Variants in ABCA6 observed in about 807,000 individuals in gnomAD.
ABCA6 encodes ATP-binding cassette sub-family A member 6.
Under a neutral mutation model 191.2 loss-of-function variants are expected in ABCA6, and 164 were observed. That is an observed-to-expected ratio of 0.86 (90% CI 0.76 to 0.98). The LOEUF is 0.98. Among genes scored for constraint, ABCA6 ranks in the 50% least tolerant of loss-of-function variants. The pLI, the probability that ABCA6 is intolerant of heterozygous loss-of-function variation, is 0.00. For missense variants in ABCA6, 1,958 were observed against 1,894.1 expected, an observed-to-expected ratio of 1.03 and a Z score of -0.63; for synonymous variants, 636 against 647.7, an observed-to-expected ratio of 0.98 and a Z score of 0.27.
chr17:69,100,308 T>A (rs2073149451), intron 22 of ABCA6, among the ~76,000 whole-genome samples: 1 of 151,134 alleles, frequency 6.6e-6, no homozygotes, highest in South Asian at 2.1e-4. Flanking sequence ...CTGTGTGTAT[T>A]AGGCTCCCTC....
chr17:69,103,560 C>G (rs2144652397), intron 20 of ABCA6, among the ~76,000 whole-genome samples: 1 of 152,270 alleles, frequency 6.6e-6, no homozygotes, highest in Non-Finnish European at 1.5e-5. Flanking sequence ...ATGAGAACGT[C>G]TGACCGTGAA....
intron 29 of ABCA6, 90 bp downstream of exon 29, chr17:69,087,263 C>G: frequency 6.6e-7 from 1 of 1,523,820 alleles, no homozygotes; most frequent in South Asian, 1.3e-5. Context: ...AAACTCCAAA[C>G]TCTCAAAATG....
chr17:69,091,406 CT>C, intron 25 of ABCA6, 144 bp from the exon 26 acceptor site: 1 of 834,066 alleles, frequency 1.2e-6, no homozygotes, highest in Non-Finnish European at 1.8e-6. Flanking sequence ...ATAGTTTCTC[CT>C]TTTAGAGACA....
At chr17:69,091,376 G>T in intron 25 of ABCA6, 114 bp from the exon 26 acceptor site, 2 of 1,110,478 alleles carry the variant, frequency 1.8e-6, no homozygotes. Context: ...CCCATATGCA[G>T]ATATACCCAT....
At chr17:69,082,775 T>C in intron 36 of ABCA6, 98 bp downstream of exon 36, 1 of 1,524,980 alleles carries the variant, frequency 6.6e-7, no homozygotes, top group Non-Finnish European at 8.8e-7. Flanking sequence ...TAACTTTTAT[T>C]ATGAAGCCAA....
At chr17:69,091,295 C>T (rs369091271) in intron 25 of ABCA6, 33 bp from the exon 26 acceptor site, 37 of 1,600,186 alleles carry the variant, frequency 2.3e-5, no homozygotes, top group Non-Finnish European at 3.0e-5. Context: ...TTGTATCAGA[C>T]ATACTCAACC....
chr17:69,141,274 A>C (rs2074021360), intron 1 of ABCA6, among the ~76,000 whole-genome samples: 1 of 152,064 alleles, frequency 6.6e-6, no homozygotes, highest in East Asian at 1.9e-4. Flanking sequence ...GTAAATCATA[A>C]TCCAGGCTCA....
rs766152439 is a variant in ABCA6 at position 69,091,282 on chromosome 17, A to G, written c.3409-20T>C. 5.7e-5 allele frequency: 92 copies of G among 1,607,152 alleles called. No individual in the cohort carries two copies. Among genetic ancestry groups the G allele is most frequent in the Non-Finnish European group, 7.6e-5 (90 of 1,178,684 alleles). On this transcript the variant is annotated intron_variant, in intron 25 of 38. Coordinates refer to ENST00000284425, the MANE Select transcript of ABCA6 (RefSeq NM_080284.3). ...GGAGGCCTACAAGGCAAGTTCAAAT[A>G]TATTGTATCAGACATACTCAACCCA...
At chr17:69,105,399 T>G in intron 20 of ABCA6, 63 bp downstream of exon 20, 3 of 1,256,124 alleles carry the variant, frequency 2.4e-6, no homozygotes, top group East Asian at 2.6e-5. Context: ...CCCCCCCACC[T>G]CCTGTGCTAT....
rs534627304 is a variant in ABCA6, at chr17:69,138,626, C to T, written c.97-1126G>A. Among the ~76,000 whole-genome samples, 5 of 151,484 alleles carry T rather than the reference C, an allele frequency of 3.3e-5. No homozygotes were observed. The East Asian group carries it at 5.8e-4, about 18-fold the overall frequency. On this transcript the variant is annotated intron_variant, in intron 2 of 38. Transcript: ENST00000284425. Reference sequence around the variant, plus strand: ...AGTTCATACGGAACCAAAAAAGAGCCCGCATCGCCAAGTCAATCCTAAGCC... The same window carrying T: ...AGTTCATACGGAACCAAAAAAGAGCTCGCATCGCCAAGTCAATCCTAAGCC...
intron 2 of ABCA6, 41 bp from the exon 3 acceptor site, chr17:69,137,541 C>T (rs148421455): frequency 1.9e-6 from 3 of 1,568,106 alleles, no homozygotes; most frequent in Non-Finnish European, 1.7e-6. Context: ...ATTAAGGTTG[C>T]ATTCACTTAA....
intron 4 of ABCA6, among the ~76,000 whole-genome samples, chr17:69,134,945 C>A (rs1432060787): frequency 1.6e-5 from 2 of 125,398 alleles, no homozygotes; most frequent in Non-Finnish European, 3.1e-5. Context: ...TGCAGTGGTG[C>A]GATCTCAGCT....
intron 30 of ABCA6, 27 bp from the exon 31 acceptor site, chr17:69,085,743 ATT>A: frequency 2.0e-6 from 3 of 1,475,296 alleles, no homozygotes; most frequent in Non-Finnish European, 2.8e-6. Flanking sequence ...GACTATCAAT[ATT>A]GGAAGTGAAA....
At chr17:69,141,279 G>T (rs956260001) in intron 1 of ABCA6, among the ~76,000 whole-genome samples, 1 of 151,886 alleles carries the variant, frequency 6.6e-6, no homozygotes, top group Non-Finnish European at 1.5e-5. Flanking sequence ...TCATAATCCA[G>T]GCTCAAACTA....
rs187301384 is a variant in ABCA6 at position 69,081,105 on chromosome 17, C to T, written c.4657G>A (p.Val1553Ile). ...TGAAAGGTCTGTGATAGAGGGTAAA[C>T]GTCTGCCACGGGCAGCTTATAGGTT... is the stretch of plus-strand genomic sequence containing the variant. ...LLTYKLPVADVYPLSQTFHKL... is the reference protein window; with the variant it reads ...LLTYKLPVADIYPLSQTFHKL... Residue 1553 changes from valine to isoleucine, a missense_variant, in exon 37 of 39, where the codon GTT becomes ATT. Physicochemically the swap from Val to Ile is conservative, Grantham distance 29. Coordinates refer to ENST00000284425, the MANE Select transcript of ABCA6 (RefSeq NM_080284.3). 198 of 1,604,748 alleles carry T rather than the reference C, an allele frequency of 1.2e-4. No individual in the cohort carries two copies. The highest frequency in any genetic ancestry group is 1.0e-3 in the African/African-American group (78 of 74,892).
intron 34 of ABCA6, 112 bp from the exon 35 acceptor site, chr17:69,083,443 A>G: frequency 9.1e-7 from 1 of 1,101,102 alleles, no homozygotes; most frequent in Non-Finnish European, 1.2e-6. Context: ...AAAATAGTGC[A>G]ATGTAAGTAC....
intron 25 of ABCA6, among the ~76,000 whole-genome samples, chr17:69,094,009 C>T (rs1191252279): frequency 6.6e-6 from 1 of 152,182 alleles, no homozygotes; most frequent in Non-Finnish European, 1.5e-5. Context: ...GAATCCATAA[C>T]AACTTAAGCA....
intron 21 of ABCA6, among the ~76,000 whole-genome samples, chr17:69,101,778 G>A (rs1319126894): frequency 6.6e-6 from 1 of 151,982 alleles, no homozygotes; most frequent in South Asian, 2.1e-4. Context: ...CTATTAGAAG[G>A]TTTATTGTTT....
At chr17:69,082,818 A>T in intron 36 of ABCA6, 55 bp downstream of exon 36, 1 of 1,599,022 alleles carries the variant, frequency 6.3e-7, no homozygotes. Flanking sequence ...GCAAAAAGGA[A>T]ACCACTGAGT....
Sources: allele counts gnomAD v4.1 joint callset (sites outside exome capture counted in the v4.1 genomes callset), GRCh38; gene constraint gnomAD v4.1.1; transcripts MANE v1.5; gene names NCBI Gene and HGNC (gene_info 2026-07-23, HGNC 2026-07-21).